The following TRIM44 variants were observed in gnomAD, a reference collection of about 807,000 sequenced individuals.
The protein encoded by TRIM44 is tripartite motif containing 44, also known as tripartite motif-containing protein 44.
A neutral mutation model predicts 37.4 loss-of-function variants in TRIM44; 13 were observed. The observed-to-expected ratio is 0.35, with a 90% CI of 0.23 to 0.55. TRIM44 has a LOEUF of 0.55. TRIM44 is among the 20% of genes least tolerant of loss of function. The pLI is 0.89. For synonymous variants in TRIM44, 175 were observed against 157.2 expected (o/e 1.11, Z -0.85); for missense variants, 426 against 437.2 (o/e 0.97, Z 0.23).
At chr11:35,791,105 T>C (rs147585209) in intron 4 of TRIM44, among the ~76,000 whole-genome samples, 6 of 152,218 alleles carry the variant, frequency 3.9e-5, no homozygotes, top group Admixed American at 1.3e-4. Flanking sequence ...TGAGTCTGGC[T>C]TTGACAAAGA....
intron 4 of TRIM44, among the ~76,000 whole-genome samples, chr11:35,775,496 C>G (rs1852943855): frequency 6.6e-6 from 1 of 152,200 alleles, no homozygotes; most frequent in Non-Finnish European, 1.5e-5. Context: ...GCCAGAACTT[C>G]CAGCACTATG....
chr11:35,766,300 C>G (rs1342805142), intron 4 of TRIM44, among the ~76,000 whole-genome samples: 1 of 152,118 alleles, frequency 6.6e-6, no homozygotes, highest in African/African-American at 2.4e-5. Flanking sequence ...CATACCTAGT[C>G]CAGTCAGCTA....
intron 4 of TRIM44, among the ~76,000 whole-genome samples, chr11:35,779,192 T>G (rs563833263): frequency 6.6e-6 from 1 of 152,334 alleles, no homozygotes; most frequent in African/African-American, 2.4e-5. Flanking sequence ...GATCTCTGAC[T>G]GCTGTGCTTG....
intron 2 of TRIM44, among the ~76,000 whole-genome samples, chr11:35,706,764 A>G (rs1231364968): frequency 2.6e-5 from 4 of 151,990 alleles, no homozygotes; most frequent in Non-Finnish European, 5.9e-5. Flanking sequence ...GACATATCTC[A>G]AAATAATAAG....
chr11:35,723,665 C>T (rs1462480600), intron 2 of TRIM44, among the ~76,000 whole-genome samples: 2 of 152,160 alleles, frequency 1.3e-5, no homozygotes, highest in Non-Finnish European at 2.9e-5. Context: ...CAGTCTGGCC[C>T]ACACCTTTAC....
At chr11:35,796,303 A>T (rs1411541964) in intron 4 of TRIM44, among the ~76,000 whole-genome samples, 1 of 152,252 alleles carries the variant, frequency 6.6e-6, no homozygotes, top group Non-Finnish European at 1.5e-5. Flanking sequence ...ATACAGCGTG[A>T]ATCTCTATTC....
At chr11:35,777,027 G>A (rs1483082293) in intron 4 of TRIM44, among the ~76,000 whole-genome samples, 11 of 152,190 alleles carry the variant, frequency 7.2e-5, no homozygotes, top group South Asian at 6.2e-4. Flanking sequence ...CTTCTGTCTC[G>A]TTGATCTGTC....
rs1157981631 is a variant in TRIM44 at position 35,742,686 on chromosome 11, TTATATTAAATATAATTATATTAAC to T, written c.1007+7265_1007+7288del. ...ATTATATTAATTGTATTATATATAA[TTATATTAAATATAATTATATTAAC>T]TATATTAAATATAATTATATTAAAT... On this transcript the variant is annotated intron_variant, in intron 4 of 4. Coordinates refer to ENST00000299413, the MANE Select transcript of TRIM44 (RefSeq NM_017583.6). Among the ~76,000 whole-genome samples the T allele has an allele frequency of 4.4e-5, 6 of 135,820 alleles. No individual in the cohort carries two copies. In the East Asian group the frequency reaches 1.0e-3, roughly 23 times the overall value. The allele number at this position is 135,820 out of a possible 152,430, so 89.1% of individuals were successfully genotyped here.
intron 1 of TRIM44, among the ~76,000 whole-genome samples, chr11:35,674,235 C>CTTGTGTGTGTGTGT (rs1554924870): frequency 6.7e-6 from 1 of 149,880 alleles, no homozygotes; most frequent in Admixed American, 6.6e-5. Flanking sequence ...AGAGAATTTG[C>CTTGTGTGTGTGTGT]GTGTGTGTGT....
chr11:35,698,314 C>T (rs1851735864), intron 2 of TRIM44, among the ~76,000 whole-genome samples: 1 of 122,970 alleles, frequency 8.1e-6, no homozygotes, highest in African/African-American at 3.5e-5. Context: ...AATGGGATGG[C>T]TGGGTCAAAT....
chr11:35,803,509 A>T (rs1036421009), intron 4 of TRIM44, among the ~76,000 whole-genome samples: 1 of 152,188 alleles, frequency 6.6e-6, no homozygotes, highest in African/African-American at 2.4e-5. Flanking sequence ...GGCAGGCGGA[A>T]TCACAAGGTC....
intron 2 of TRIM44, among the ~76,000 whole-genome samples, chr11:35,690,931 G>T (rs1851630335): frequency 6.6e-6 from 1 of 152,164 alleles, no homozygotes; most frequent in South Asian, 2.1e-4. Flanking sequence ...CACTGTTATT[G>T]AATTCATGGG....
At chr11:35,718,535 G>A (rs1183276756) in intron 2 of TRIM44, among the ~76,000 whole-genome samples, 1 of 152,064 alleles carries the variant, frequency 6.6e-6, no homozygotes, top group Non-Finnish European at 1.5e-5. Context: ...TCCTGTACTA[G>A]AATAGTACAT....
intron 2 of TRIM44, 41 bp downstream of exon 2, chr11:35,685,377 G>A (rs375134376): frequency 7.2e-6 from 11 of 1,535,986 alleles, no homozygotes; most frequent in African/African-American, 6.8e-5. Context: ...GGTACCCCAA[G>A]CATTTCATTC....
chr11:35,787,206 A>G (rs1241024166), intron 4 of TRIM44, among the ~76,000 whole-genome samples: 1 of 152,190 alleles, frequency 6.6e-6, no homozygotes. Flanking sequence ...CTGGCTGGCA[A>G]CTGAAGGGGT....
Position 35,689,253 on chromosome 11 carries a change from A to G in TRIM44, c.747+3917A>G, listed in dbSNP as rs548474348. 7.9e-5 allele frequency among the ~76,000 whole-genome samples: 12 copies of G among 152,292 alleles called. No homozygotes were observed. The South Asian group carries it at 2.5e-3, about 32-fold the overall frequency. On this transcript the variant is annotated intron_variant, in intron 2 of 4. Transcript: ENST00000299413. Reference sequence around the variant, plus strand: ...GGAAAATCAGGAACAACCAGCCATTATGGGTGAGCCTTAGGAGAGGAATCA... The same window carrying G: ...GGAAAATCAGGAACAACCAGCCATTGTGGGTGAGCCTTAGGAGAGGAATCA...
intron 2 of TRIM44, among the ~76,000 whole-genome samples, chr11:35,717,595 C>T (rs1852053389): frequency 6.6e-6 from 1 of 152,168 alleles, no homozygotes; most frequent in South Asian, 2.1e-4. Context: ...GTGCATTAAA[C>T]TCTTTCTCTA....
At position 35,663,051 on chromosome 11, in the gene TRIM44, G is replaced by T; in HGVS notation, c.-61G>T. On this transcript the variant is annotated 5_prime_UTR_variant, in exon 1 of 5. Coordinates refer to ENST00000299413, the MANE Select transcript of TRIM44 (RefSeq NM_017583.6). ...CGGGGCGGGAGGAGGAAGTGAGGCC[G>T]CGCGGAAGGAAGGCGGCGAGCCCCG... 1 of 1,456,306 alleles carries T rather than the reference G, an allele frequency of 6.9e-7. No individual in the cohort carries two copies. The highest frequency in any genetic ancestry group is 9.0e-7 in the Non-Finnish European group (1 of 1,111,516). 90.2% of individuals were successfully genotyped at this position (1,456,306 alleles called of 1,614,324 possible).
chr11:35,730,942 A>G (rs1411152850), intron 3 of TRIM44, among the ~76,000 whole-genome samples: 1 of 146,260 alleles, frequency 6.8e-6, no homozygotes, highest in Non-Finnish European at 1.5e-5. Context: ...TATTAGCCTT[A>G]TATCTTGTAA....
Sources: allele counts gnomAD v4.1 joint callset (sites outside exome capture counted in the v4.1 genomes callset), GRCh38; gene constraint gnomAD v4.1.1; transcripts MANE v1.5; gene names NCBI Gene and HGNC (gene_info 2026-07-23, HGNC 2026-07-21).